The following DOCK4 variants were observed in gnomAD, a reference collection of about 807,000 sequenced individuals.
The protein encoded by DOCK4 is dedicator of cytokinesis 4.
In DOCK4, 97 loss-of-function variants were observed where a neutral mutation model predicts 268.1. The observed-to-expected ratio is 0.36, with a 90% CI of 0.31 to 0.43. The LOEUF is 0.43. Ranked by LOEUF, DOCK4 falls within the 20% of genes least tolerant of loss-of-function variation. DOCK4 has a pLI of 1.00. For synonymous variants in DOCK4, 954 were observed against 887.2 expected, an observed-to-expected ratio of 1.08 and a Z score of -1.34; for missense variants, 2,145 against 2,455.7, an observed-to-expected ratio of 0.87 and a Z score of 2.67.
chr7:111,868,302 ATTTAC>A (rs1806139556), intron 21 of DOCK4, 148 bp from the exon 22 acceptor site: 1 of 522,734 alleles, frequency 1.9e-6, no homozygotes, highest in East Asian at 3.4e-5. Context: ...TTTGAACAGT[ATTTAC>A]TTTAAGGGGG....
intron 12 of DOCK4, among the ~76,000 whole-genome samples, chr7:111,927,058 G>A (rs1351378260): frequency 6.6e-6 from 1 of 152,176 alleles, no homozygotes; most frequent in Non-Finnish European, 1.5e-5. Context: ...ACTAAGTTAA[G>A]TCTTAAAGAA....
At position 111,769,547 on chromosome 7, in the gene DOCK4, C is replaced by T. The variant is rs1797984739; in HGVS notation, c.3810G>A (p.Gln1270=). ...RKEHLHLTII[Q]NFDRGKCWEN... Reference sequence around the variant, plus strand: ...CACTTACTTTGCCTCTGTCAAAGTTCTGGATGATGGTGAGGTGCAGGTGCT... The same window carrying T: ...CACTTACTTTGCCTCTGTCAAAGTTTTGGATGATGGTGAGGTGCAGGTGCT... The change falls in exon 37 of 53, where the codon CAG becomes CAA. Residue 1270 remains glutamine (Q), a synonymous_variant. Transcript: ENST00000428084. 6.2e-7 allele frequency: 1 copy of T among 1,613,596 alleles called. No homozygotes were observed. Among genetic ancestry groups the T allele is most frequent in the Non-Finnish European group, 8.5e-7 (1 of 1,179,730 alleles).
At chr7:111,905,710 T>TGTGC (rs58938757) in intron 13 of DOCK4, among the ~76,000 whole-genome samples, 4 of 151,752 alleles carry the variant, frequency 2.6e-5, no homozygotes, top group African/African-American at 9.7e-5. Flanking sequence ...TGTGTGTGTG[T>TGTGC]GCACGTGTAT....
chr7:111,777,716 T>C (rs186014520), intron 36 of DOCK4, among the ~76,000 whole-genome samples: 2 of 152,230 alleles, frequency 1.3e-5, no homozygotes, highest in East Asian at 1.9e-4. Flanking sequence ...TGGGAGGTAA[T>C]TGAATCATGG....
At position 111,945,837 on chromosome 7, in the gene DOCK4, T is replaced by C. The variant is rs752865719; in HGVS notation, c.702-39A>G. On this transcript the variant is annotated intron_variant, in intron 8 of 52. Coordinates refer to ENST00000428084, the MANE Select transcript of DOCK4 (RefSeq NM_001363540.2). ...AATGTTTAACAATTTGAAAATTATTTAATAGTTAAAGATTTATCCCTCTGT... is the reference window on the plus strand; with the variant it reads ...AATGTTTAACAATTTGAAAATTATTCAATAGTTAAAGATTTATCCCTCTGT... The C allele has an allele frequency of 2.0e-5, 29 of 1,471,768 alleles. No individual in the cohort carries two copies. The Admixed American group carries it at 3.4e-4, about 17-fold the overall frequency. The allele number at this position is 1,471,768 out of a possible 1,614,324, so 91.2% of individuals were successfully genotyped here.
chr7:111,909,070 G>A (rs911653794), intron 13 of DOCK4, among the ~76,000 whole-genome samples: 3 of 152,144 alleles, frequency 2.0e-5, no homozygotes, highest in Non-Finnish European at 1.5e-5. Context: ...TCTGGTTCTA[G>A]ATCCTTGAAG....
At chr7:111,780,981 G>C (rs1169386484) in intron 35 of DOCK4, among the ~76,000 whole-genome samples, 3 of 152,184 alleles carry the variant, frequency 2.0e-5, no homozygotes, top group Non-Finnish European at 4.4e-5. Context: ...GGTTAGTAAT[G>C]GGGCTACTGA....
At chr7:112,099,252 A>G (rs1409634412) in intron 1 of DOCK4, among the ~76,000 whole-genome samples, 1 of 149,036 alleles carries the variant, frequency 6.7e-6, no homozygotes, top group Non-Finnish European at 1.5e-5. Context: ...AGTTCGTGCC[A>G]TTGCATTTCC....
Position 111,977,244 on chromosome 7 carries a change from C to A in DOCK4, c.589G>T (p.Ala197Ser), listed in dbSNP as rs1232613317. 1.2e-6 allele frequency: 2 copies of A among 1,608,846 alleles called. No individual in the cohort carries two copies. Among genetic ancestry groups the A allele is most frequent in the East Asian group, 2.2e-5 (1 of 44,764 alleles). The change falls in exon 8 of 53, where the codon GCC becomes TCC. Residue 197 changes from alanine (A) to serine (S), a missense_variant. Ala to Ser is a moderately conservative substitution (Grantham distance 99, BLOSUM62 1). Transcript: ENST00000428084. Reference protein sequence around the residue: ...RHRKKDTPVQASSHHLFVQMK... With the variant: ...RHRKKDTPVQSSSHHLFVQMK... ...TGGACAAAGAGGTGGTGACTGCTGGCCTGCACCGGGGTGTCTTTCTTCCGA... is the reference window on the plus strand; with the variant it reads ...TGGACAAAGAGGTGGTGACTGCTGGACTGCACCGGGGTGTCTTTCTTCCGA...
At chr7:111,786,422 C>T (rs1799171161) in intron 32 of DOCK4, among the ~76,000 whole-genome samples, 1 of 152,096 alleles carries the variant, frequency 6.6e-6, no homozygotes, top group Non-Finnish European at 1.5e-5. Context: ...CTGGATATTG[C>T]ATGTTGGTGT....
At chr7:112,137,673 GCCTAACCCTT>G (rs1234086092) in intron 1 of DOCK4, among the ~76,000 whole-genome samples, 1 of 152,048 alleles carries the variant, frequency 6.6e-6, no homozygotes, top group Non-Finnish European at 1.5e-5. Context: ...CATAAGGTTG[GCCTAACCCTT>G]CCTCAATGGC....
chr7:112,182,491 A>G (rs1000345271), intron 1 of DOCK4, among the ~76,000 whole-genome samples: 3 of 152,176 alleles, frequency 2.0e-5, no homozygotes, highest in African/African-American at 7.2e-5. Context: ...GATTTCAGGA[A>G]GAAGAGTGGG....
chr7:112,201,181 A>C (rs1222119444), intron 1 of DOCK4, among the ~76,000 whole-genome samples: 1 of 152,172 alleles, frequency 6.6e-6, no homozygotes, highest in African/African-American at 2.4e-5. Flanking sequence ...CATCTTTCTA[A>C]GGAGAAAGAC....
chr7:111,945,440 C>T (rs1562923092), intron 9 of DOCK4, among the ~76,000 whole-genome samples: 1 of 152,206 alleles, frequency 6.6e-6, no homozygotes, highest in Non-Finnish European at 1.5e-5. Flanking sequence ...CCCGCCTCGG[C>T]CTCCCAAAGT....
At chr7:111,840,956 C>T (rs1803639622) in intron 25 of DOCK4, 3 of 653,804 alleles carry the variant, frequency 4.6e-6, no homozygotes, top group East Asian at 6.3e-5. Context: ...GCATATTTCT[C>T]GCCATAGAAT....
rs150369747 is a variant in DOCK4 at position 111,899,430 on chromosome 7, T to C, written c.1480+944A>G. Among the ~76,000 whole-genome samples the C allele has an allele frequency of 9.6e-4, 146 of 152,162 alleles. 6 individuals are homozygous for C. In the East Asian group the frequency reaches 0.023, roughly 24 times the overall value. On this transcript the variant is annotated intron_variant, in intron 15 of 52. Coordinates refer to ENST00000428084, the MANE Select transcript of DOCK4 (RefSeq NM_001363540.2). ...CTCTGGTCACAATGTACACTGGCAG[T>C]GCTAAGATATACTCAGGGACACAAG...
intron 1 of DOCK4, among the ~76,000 whole-genome samples, chr7:112,180,516 T>C (rs1818929988): frequency 6.6e-6 from 1 of 152,128 alleles, no homozygotes; most frequent in Admixed American, 6.5e-5. Flanking sequence ...ATGGAATCTG[T>C]GGGCATGGAC....
chr7:111,732,910 C>T (rs1186368762), intron 51 of DOCK4, among the ~76,000 whole-genome samples: 2 of 152,288 alleles, frequency 1.3e-5, no homozygotes, highest in Admixed American at 1.3e-4. Context: ...TCATCGTGGC[C>T]AAGAAGAGTG....
At chr7:111,927,215 A>C (rs1394346285) in intron 12 of DOCK4, among the ~76,000 whole-genome samples, 1 of 152,226 alleles carries the variant, frequency 6.6e-6, no homozygotes, top group Non-Finnish European at 1.5e-5. Flanking sequence ...ATAAGCGTGA[A>C]CAAATAATCT....
Sources: gnomAD v4.1 joint callset for allele counts (sites outside exome capture counted in the v4.1 genomes callset) on GRCh38, gnomAD v4.1.1 for gene constraint, MANE v1.5 for transcripts, NCBI Gene and HGNC (gene_info 2026-07-23, HGNC 2026-07-21) for gene names.